Variants in SMO observed in about 807,000 individuals in gnomAD.
The protein encoded by SMO is protein smoothened.
A neutral mutation model predicts 81.6 loss-of-function variants in SMO; 40 were observed. That is an observed-to-expected ratio of 0.49 (90% CI 0.38 to 0.64). The LOEUF is 0.64. Among genes scored for constraint, SMO ranks in the 30% least tolerant of loss-of-function variants. SMO has a pLI of 0.00. For missense variants in SMO, 916 were observed against 1,061.1 expected, an observed-to-expected ratio of 0.86 and a Z score of 1.90; for synonymous variants, 434 against 432.1, an observed-to-expected ratio of 1.00 and a Z score of -0.05.
Position 129,212,636 on chromosome 7 carries a change from C to A in SMO, c.*185C>A. The A allele has an allele frequency of 1.6e-6, 1 of 624,072 alleles. No individual in the cohort carries two copies. The highest frequency in any genetic ancestry group is 2.8e-6 in the Non-Finnish European group (1 of 361,012). The allele number at this position is 624,072 out of a possible 1,614,324, so 38.7% of individuals were successfully genotyped here. ...ACTGTGGGAAAGAGCCTAACATCTC[C>A]ATGGGGAGGCCTCACCCCAGGGACA... On this transcript the variant is annotated 3_prime_UTR_variant, in exon 12 of 12. Transcript: ENST00000249373. This position sits in a 1 kb window ranked among gnomAD's most constrained non-coding sequence, Gnocchi z 5.0.
chr7:129,193,582 C>A (rs1793510019), intron 1 of SMO, among the ~76,000 whole-genome samples: 1 of 149,972 alleles, frequency 6.7e-6, no homozygotes, highest in African/African-American at 2.5e-5. Context: ...CAGGGTGAAA[C>A]CCCGTCTCTA....
chr7:129,209,216 C>T lies in SMO; in HGVS notation c.1358-73C>T, dbSNP rs374968502. ...GGGTGAACTTTGAGGCCCAGTGGGG[C>T]AGACTCTCTCCTCCCCACTGCTGCT... On this transcript the variant is annotated intron_variant, in intron 7 of 11. Coordinates refer to ENST00000249373, the MANE Select transcript of SMO (RefSeq NM_005631.5). 6 of 885,872 alleles carry T rather than the reference C, an allele frequency of 6.8e-6. No homozygotes were observed. The East Asian group carries it at 9.7e-5, about 14-fold the overall frequency. 54.9% of individuals were successfully genotyped at this position (885,872 alleles called of 1,614,324 possible). A position where few individuals can be genotyped will look rare whatever the true frequency, so the allele number is the denominator to read the frequency against.
chr7:129,209,031 G>A (rs1450408155), intron 7 of SMO, 180 bp downstream of exon 7: 14 of 620,090 alleles, frequency 2.3e-5, no homozygotes, highest in Middle Eastern at 4.3e-4. Flanking sequence ...GGGTCTACTC[G>A]GGGGGAAGAA....
chr7:129,212,245 G>T lies in SMO; in HGVS notation c.2158G>T (p.Gly720Ter), dbSNP rs1793885683. The T allele has an allele frequency of 1.0e-5, 16 of 1,600,636 alleles. No individual in the cohort carries two copies. Among genetic ancestry groups the T allele is most frequent in the Non-Finnish European group, 1.4e-5 (16 of 1,173,662 alleles). ...ATGCCTGGTGGCTGCAGGTGCCTGG[G>T]GAGCTGGGGACTCTTGCCGACAGGG... ...QKCLVAAGAWGAGDSCRQGAW... is the reference protein window; with the variant it reads ...QKCLVAAGAW The change falls in exon 12 of 12, where the codon GGA (glycine) becomes TGA (stop). Residue 720 changes from glycine to a stop codon, truncating the protein, a stop_gained. Transcript: ENST00000249373. LOFTEE classifies it high-confidence loss of function. This position sits in a 1 kb window ranked among gnomAD's most constrained non-coding sequence, Gnocchi z 5.0.
At position 129,189,508 on chromosome 7, in the gene SMO, G is replaced by T; in HGVS notation, c.331+26G>T. 1 of 1,534,236 alleles carries T rather than the reference G, an allele frequency of 6.5e-7. No homozygotes were observed. The highest frequency in any genetic ancestry group is 8.7e-7 in the Non-Finnish European group (1 of 1,146,322). On this transcript the variant is annotated intron_variant, in intron 1 of 11. Transcript: ENST00000249373. The surrounding 1 kb of genome is among the most constrained non-coding windows in gnomAD (Gnocchi z 4.7). ...GTAAGTGCGGCGGAGCCGGGTCTGG[G>T]GGGCGGGAGGTGCCGCGGTAAGATG... is the stretch of plus-strand genomic sequence containing the variant.
At chr7:129,205,521 A>G (rs1451976428) in intron 3 of SMO, 89 bp from the exon 4 acceptor site, 1 of 1,524,300 alleles carries the variant, frequency 6.6e-7, no homozygotes, top group Non-Finnish European at 9.1e-7. Flanking sequence ...GGGAAGGGTC[A>G]TGATCAGAAG....
chr7:129,209,110 G>C, intron 7 of SMO, 179 bp from the exon 8 acceptor site: 1 of 610,894 alleles, frequency 1.6e-6, no homozygotes, highest in Non-Finnish European at 3.0e-6. Flanking sequence ...TCCCACAGTT[G>C]CTTCAAGTGC....
Position 129,206,638 on chromosome 7 carries a change from C to T in SMO, c.1264+51C>T. On this transcript the variant is annotated intron_variant, in intron 6 of 11. Transcript: ENST00000249373. This position sits in a 1 kb window ranked among gnomAD's most constrained non-coding sequence, Gnocchi z 4.4. The stretch of plus-strand genomic sequence containing the variant: ...GTTGGGCAACAAAATATACTGGGCA[C>T]TTGCTGCCAGTACTGGGAGCTGCCA... The T allele has an allele frequency of 3.1e-6, 5 of 1,596,132 alleles. 1 individual carries two copies. The South Asian group carries it at 3.4e-5, about 11-fold the overall frequency.
chr7:129,193,695 C>T (rs1793513628), intron 1 of SMO, among the ~76,000 whole-genome samples: 1 of 128,364 alleles, frequency 7.8e-6, no homozygotes, highest in African/African-American at 3.0e-5. Context: ...GGAGGCAGAG[C>T]TTGCAGTAAG....
chr7:129,198,481 T>C (rs1793617903), intron 1 of SMO, among the ~76,000 whole-genome samples: 1 of 152,216 alleles, frequency 6.6e-6, no homozygotes, highest in East Asian at 1.9e-4. Flanking sequence ...TATAGACTGC[T>C]CTCCACTCAA....
In SMO at chr7:129,189,875, T is replaced by G; in HGVS notation, c.331+393T>G. Among the ~76,000 whole-genome samples the G allele has an allele frequency of 6.6e-6, 1 of 150,998 alleles. No homozygotes were observed. Among genetic ancestry groups the G allele is most frequent in the African/African-American group, 2.4e-5 (1 of 40,990 alleles). On this transcript the variant is annotated intron_variant, in intron 1 of 11. Coordinates refer to ENST00000249373, the MANE Select transcript of SMO (RefSeq NM_005631.5). This position sits in a 1 kb window ranked among gnomAD's most constrained non-coding sequence, Gnocchi z 4.7. ...GTTGAAGACCCTGGGGAAATTGGAG[T>G]TGGAGAGGAAAAGGGGAGGGATGAC...
rs1167852838 is a variant in SMO at position 129,211,170 on chromosome 7, GTC to G, written c.1801+62_1801+63del. The G allele has an allele frequency of 1.3e-6, 2 of 1,542,150 alleles. No homozygotes were observed. Among genetic ancestry groups the G allele is most frequent in the African/African-American group, 2.7e-5 (2 of 73,242 alleles). Reference sequence around the variant, plus strand: ...CTGGCCCCGCGCTGCCCATGTGCTAGTCTCTCCCAGCCTGCTGGGGGCACACA... The same window carrying G: ...CTGGCCCCGCGCTGCCCATGTGCTAGTCTCCCAGCCTGCTGGGGGCACACA... On this transcript the variant is annotated intron_variant, in intron 10 of 11. Coordinates refer to ENST00000249373, the MANE Select transcript of SMO (RefSeq NM_005631.5). This position sits in a 1 kb window ranked among gnomAD's most constrained non-coding sequence, Gnocchi z 4.6.
intron 1 of SMO, among the ~76,000 whole-genome samples, chr7:129,196,497 A>T (rs1193072908): frequency 6.6e-6 from 1 of 152,004 alleles, no homozygotes; most frequent in Non-Finnish European, 1.5e-5. Flanking sequence ...TTGGGATTGC[A>T]TTGACTATAT....
chr7:129,205,115 C>T, intron 2 of SMO, 88 bp from the exon 3 acceptor site: 1 of 1,175,774 alleles, frequency 8.5e-7, no homozygotes, highest in South Asian at 1.3e-5. Flanking sequence ...CTCCAGCCAC[C>T]CTGCCATGCT....
chr7:129,192,522 G>A (rs945073850), intron 1 of SMO, among the ~76,000 whole-genome samples: 2 of 152,186 alleles, frequency 1.3e-5, no homozygotes, highest in Non-Finnish European at 2.9e-5. Flanking sequence ...ATAGGAGCAG[G>A]GAAAGCCTGG....
In SMO at chr7:129,210,165, A is replaced by G. The variant is rs548929328; in HGVS notation, c.1467-198A>G. On this transcript the variant is annotated intron_variant, in intron 8 of 11. Coordinates refer to ENST00000249373, the MANE Select transcript of SMO (RefSeq NM_005631.5). The surrounding 1 kb of genome is among the most constrained non-coding windows in gnomAD (Gnocchi z 4.7). ...TTGATTGTCTGAGTCTACCCAGTAG[A>G]CTCAGAAAACCCCACCTGTAGTCCC... 5 of 551,362 alleles carry G rather than the reference A, an allele frequency of 9.1e-6. No individual in the cohort carries two copies. Among genetic ancestry groups the G allele is most frequent in the Non-Finnish European group, 1.6e-5 (5 of 306,864 alleles). The allele number at this position is 551,362 out of a possible 1,614,324, so 34.2% of individuals were successfully genotyped here.
intron 1 of SMO, among the ~76,000 whole-genome samples, chr7:129,193,785 AAT>A (rs71526088): frequency 0.03 from 782 of 26,302 alleles, 23 homozygotes; most frequent in African/African-American, 0.055. Context: ...AAAAAAAAAA[AAT>A]ATATATATAT....
intron 2 of SMO, 40 bp from the exon 3 acceptor site, chr7:129,205,163 G>A (rs766921463): frequency 1.9e-6 from 3 of 1,576,758 alleles, no homozygotes; most frequent in Non-Finnish European, 2.6e-6. Context: ...GCTCGTCCCT[G>A]AGCTGCCTTG....
Position 129,189,287 on chromosome 7 carries a change from G to A in SMO, c.136G>A (p.Gly46Arg). 2 of 1,410,072 alleles carry A rather than the reference G, an allele frequency of 1.4e-6. No individual in the cohort carries two copies. Among genetic ancestry groups the A allele is most frequent in the Non-Finnish European group, 1.8e-6 (2 of 1,092,856 alleles). 87.3% of individuals were successfully genotyped at this position (1,410,072 alleles called of 1,614,324 possible). A position where few individuals can be genotyped will look rare whatever the true frequency, so the allele number is the denominator to read the frequency against. Reference protein sequence around the residue: ...ATGPGPRSAGGSARRSAAVTG... With the variant: ...ATGPGPRSAGRSARRSAAVTG... The stretch of plus-strand genomic sequence containing the variant: ...CGGGCCTGGGCCTCGGAGCGCGGGC[G>A]GGAGCGCGAGGAGGAGCGCGGCGGT... Residue 46 changes from glycine (G) to arginine (R), a missense_variant, in exon 1 of 12, where the codon GGG becomes AGG. Gly to Arg is a moderately radical substitution (Grantham distance 125). Transcript: ENST00000249373. The surrounding 1 kb of genome is among the most constrained non-coding windows in gnomAD (Gnocchi z 4.7).
Sources: allele counts gnomAD v4.1 joint callset (sites outside exome capture counted in the v4.1 genomes callset), GRCh38; gene constraint gnomAD v4.1.1; non-coding constraint Gnocchi (gnomAD v3.1); transcripts MANE v1.5; gene names NCBI Gene and HGNC (gene_info 2026-07-23, HGNC 2026-07-21).